The following BTBD9 variants were observed in gnomAD, a reference collection of about 807,000 sequenced individuals.
BTBD9 encodes BTB/POZ domain-containing protein 9.
A neutral mutation model predicts 64.3 loss-of-function variants in BTBD9; 49 were observed. The observed-to-expected ratio is 0.76, with a 90% CI of 0.61 to 0.97. BTBD9 has a LOEUF of 0.97. BTBD9 is among the 50% of genes least tolerant of loss of function. BTBD9 has a pLI of 0.00. For synonymous variants in BTBD9, 260 were observed against 274.7 expected (o/e 0.95, Z 0.53); for missense variants, 598 against 762.1 (o/e 0.78, Z 2.53).
chr6:38,414,943 A>G (rs1767597253), intron 6 of BTBD9, among the ~76,000 whole-genome samples: 1 of 152,208 alleles, frequency 6.6e-6, no homozygotes, highest in Admixed American at 6.5e-5. Context: ...ACTAAGCTCC[A>G]GACCCATACT....
chr6:38,510,957 C>T (rs935897534), intron 6 of BTBD9, among the ~76,000 whole-genome samples: 2 of 152,092 alleles, frequency 1.3e-5, no homozygotes, highest in African/African-American at 4.8e-5. Flanking sequence ...AAGGTATATG[C>T]TCCAAAATAA....
chr6:38,373,327 C>A (rs1765503303), intron 6 of BTBD9, among the ~76,000 whole-genome samples: 1 of 152,120 alleles, frequency 6.6e-6, no homozygotes, highest in Non-Finnish European at 1.5e-5. Flanking sequence ...TGTGCACGAT[C>A]TATTTTTCTC....
At chr6:38,551,306 C>T (rs546236711) in intron 6 of BTBD9, among the ~76,000 whole-genome samples, 15 of 152,210 alleles carry the variant, frequency 9.9e-5, no homozygotes, top group African/African-American at 3.1e-4. Context: ...ATGTTCACTC[C>T]GGGCAAAGGG....
At position 38,222,393 on chromosome 6, in the gene BTBD9, T is replaced by C. The variant is rs1282782753; in HGVS notation, c.1563-29796A>G. On this transcript the variant is annotated intron_variant, in intron 9 of 10. Transcript: ENST00000481247. ...CTCCTGCCTCAGCCTCCCGAGTAGC[T>C]GGGACTACAGGTGCCCGCCACCATG... Among the ~76,000 whole-genome samples, 5 of 150,812 alleles carry C rather than the reference T, an allele frequency of 3.3e-5. No individual in the cohort carries two copies. In the East Asian group the frequency reaches 1.0e-3, roughly 30 times the overall value.
chr6:38,196,697 G>GCT (rs1309927524), intron 9 of BTBD9, among the ~76,000 whole-genome samples: 1 of 152,208 alleles, frequency 6.6e-6, no homozygotes, highest in African/African-American at 2.4e-5. Flanking sequence ...AGGGAGATGA[G>GCT]CTCTCCTTCC....
intron 7 of BTBD9, among the ~76,000 whole-genome samples, chr6:38,339,968 T>C (rs1289831954): frequency 6.6e-6 from 1 of 152,164 alleles, no homozygotes; most frequent in Non-Finnish European, 1.5e-5. Flanking sequence ...CTCATTTCGG[T>C]AATCATATGG....
At chr6:38,544,881 C>G (rs1774455772) in intron 6 of BTBD9, among the ~76,000 whole-genome samples, 1 of 131,270 alleles carries the variant, frequency 7.6e-6, no homozygotes, top group Non-Finnish European at 1.5e-5. Context: ...GAGCCAAGAC[C>G]GTGCCATTGC....
At position 38,418,118 on chromosome 6, in the gene BTBD9, C is replaced by T. The variant is rs184893265; in HGVS notation, c.1155-73025G>A. Among the ~76,000 whole-genome samples the T allele has an allele frequency of 3.3e-5, 5 of 152,130 alleles. No homozygotes were observed. The East Asian group carries it at 7.7e-4, about 23-fold the overall frequency. ...TGGCCCATAAAAAGTCAGATTTAAC[C>T]GCATTGGAAATTTAAGGGAAAAATA... On this transcript the variant is annotated intron_variant, in intron 6 of 10. Coordinates refer to ENST00000481247, the MANE Select transcript of BTBD9 (RefSeq NM_001099272.2).
intron 6 of BTBD9, among the ~76,000 whole-genome samples, chr6:38,407,420 T>G (rs1329580678): frequency 1.3e-5 from 2 of 152,008 alleles, no homozygotes; most frequent in Non-Finnish European, 2.9e-5. Flanking sequence ...AATGTTATAT[T>G]TAAGACCAAT....
chr6:38,488,187 G>A (rs985457042), intron 6 of BTBD9, among the ~76,000 whole-genome samples: 14 of 152,012 alleles, frequency 9.2e-5, no homozygotes, highest in African/African-American at 3.1e-4. Context: ...CTGGCTTCAA[G>A]CTATCCTCCC....
At chr6:38,465,749 A>G (rs7453393) in intron 6 of BTBD9, among the ~76,000 whole-genome samples, 6,625 of 37,952 alleles carry the variant, frequency 0.17, 391 homozygotes, top group Middle Eastern at 0.2. Context: ...ATATATATAT[A>G]TATATATGTA....
In BTBD9 at chr6:38,184,729, G is replaced by A. The variant is rs575311620; in HGVS notation, c.1641+7790C>T. On this transcript the variant is annotated intron_variant, in intron 10 of 10. Coordinates refer to ENST00000481247, the MANE Select transcript of BTBD9 (RefSeq NM_001099272.2). The surrounding 1 kb of genome is among the most constrained non-coding windows in gnomAD (Gnocchi z 4.4). ...ATCAGACCTGGGGCAGGGGGACCTC[G>A]GAAATAATTATCACCATGCCAGGAA... Among the ~76,000 whole-genome samples the A allele has an allele frequency of 2.6e-4, 40 of 152,128 alleles. No homozygotes were observed. Among genetic ancestry groups the A allele is most frequent in the Non-Finnish European group, 4.9e-4 (33 of 68,016 alleles).
chr6:38,432,258 T>C (rs1220065850), intron 6 of BTBD9, among the ~76,000 whole-genome samples: 1 of 152,020 alleles, frequency 6.6e-6, no homozygotes, highest in African/African-American at 2.4e-5. Flanking sequence ...GAGCCAAATA[T>C]AGTTCTGAAA....
intron 8 of BTBD9, among the ~76,000 whole-genome samples, chr6:38,281,026 A>G (rs1761492710): frequency 6.6e-6 from 1 of 152,254 alleles, no homozygotes; most frequent in South Asian, 2.1e-4. Flanking sequence ...TGGTCCTACT[A>G]GAGATTGAGT....
intron 6 of BTBD9, among the ~76,000 whole-genome samples, chr6:38,553,859 A>G (rs1313151308): frequency 6.6e-6 from 1 of 152,110 alleles, no homozygotes; most frequent in East Asian, 1.9e-4. Context: ...TCCCTTAAAA[A>G]AAAAAAAAAT....
At chr6:38,506,420 G>C (rs1772518620) in intron 6 of BTBD9, among the ~76,000 whole-genome samples, 2 of 152,228 alleles carry the variant, frequency 1.3e-5, no homozygotes, top group African/African-American at 4.8e-5. Context: ...AAACTGCAGA[G>C]ATTCGGCTGT....
At chr6:38,506,849 C>T (rs373300039) in intron 6 of BTBD9, among the ~76,000 whole-genome samples, 68 of 152,270 alleles carry the variant, frequency 4.5e-4, no homozygotes, top group African/African-American at 1.3e-3. Flanking sequence ...GAATAAAATA[C>T]AAATTAATAC....
chr6:38,300,868 T>G (rs1431294885), intron 7 of BTBD9, among the ~76,000 whole-genome samples: 1 of 152,208 alleles, frequency 6.6e-6, no homozygotes, highest in Non-Finnish European at 1.5e-5. Context: ...TCCTGACTGA[T>G]TGCCCTGGCC....
intron 6 of BTBD9, among the ~76,000 whole-genome samples, chr6:38,392,229 AAG>A (rs1766451414): frequency 6.6e-6 from 1 of 152,298 alleles, no homozygotes; most frequent in South Asian, 2.1e-4. Flanking sequence ...ATCAGACAGA[AAG>A]AGAGAAAAAC....
Sources: gnomAD v4.1 joint callset for allele counts (sites outside exome capture counted in the v4.1 genomes callset) on GRCh38, gnomAD v4.1.1 for gene constraint, Gnocchi (gnomAD v3.1) non-coding constraint, MANE v1.5 for transcripts, NCBI Gene and HGNC (gene_info 2026-07-23, HGNC 2026-07-21) for gene names.